Variants in FRMD4A observed in about 807,000 individuals in gnomAD.
FRMD4A encodes FERM domain-containing protein 4A.
In FRMD4A, 29 loss-of-function variants were observed where a neutral mutation model predicts 129.1. That is an observed-to-expected ratio of 0.22 (90% CI 0.17 to 0.31). The LOEUF is 0.31. FRMD4A is among the 10% of genes least tolerant of loss of function. The pLI is 1.00. For synonymous variants in FRMD4A, 634 were observed against 571.6 expected (o/e 1.11, Z -1.56); for missense variants, 1,272 against 1,375.8 (o/e 0.92, Z 1.19).
intron 14 of FRMD4A, among the ~76,000 whole-genome samples, chr10:13,694,833 C>A (rs1028413796): frequency 2.0e-5 from 2 of 98,752 alleles, no homozygotes; most frequent in Admixed American, 2.6e-4. Flanking sequence ...CAAAGTGAGA[C>A]CCTGTCTCTT....
At chr10:13,835,781 A>G (rs545702180) in intron 3 of FRMD4A, among the ~76,000 whole-genome samples, 16 of 152,314 alleles carry the variant, frequency 1.1e-4, no homozygotes, top group African/African-American at 3.9e-4. Flanking sequence ...CTACAATATA[A>G]TAATAGAAAT....
chr10:14,254,981 C>T (rs993797742), intron 2 of FRMD4A, among the ~76,000 whole-genome samples: 1 of 152,168 alleles, frequency 6.6e-6, no homozygotes, highest in Non-Finnish European at 1.5e-5. Context: ...GACTGCTCAA[C>T]TTCCTATTAA....
chr10:13,952,831 C>G (rs2095382249), intron 2 of FRMD4A, among the ~76,000 whole-genome samples: 1 of 151,974 alleles, frequency 6.6e-6, no homozygotes, highest in South Asian at 2.1e-4. Flanking sequence ...GTAGCTGGGA[C>G]CATGGTGCCC....
chr10:13,650,047 A>C (rs1393638546), intron 24 of FRMD4A, among the ~76,000 whole-genome samples: 1 of 152,202 alleles, frequency 6.6e-6, no homozygotes, highest in East Asian at 1.9e-4. Context: ...GCCCTTTCCC[A>C]GGGCTATGCT....
At chr10:14,209,553 C>T (rs1019381519) in intron 2 of FRMD4A, among the ~76,000 whole-genome samples, 21 of 151,930 alleles carry the variant, frequency 1.4e-4, no homozygotes, top group African/African-American at 5.1e-4. Flanking sequence ...AACCCCGTCT[C>T]TACTAAAAAT....
intron 2 of FRMD4A, chr10:14,003,566 T>A (rs928792942): frequency 6.6e-6 from 1 of 152,172 alleles, no homozygotes; most frequent in Non-Finnish European, 1.5e-5. Context: ...AAAACGGAGA[T>A]ACAGCAACTC....
At chr10:14,304,631 C>T (rs978546285) in intron 2 of FRMD4A, among the ~76,000 whole-genome samples, 1 of 152,200 alleles carries the variant, frequency 6.6e-6, no homozygotes, top group Non-Finnish European at 1.5e-5. Context: ...GGTGACTTCT[C>T]TGTTCATTGA....
At chr10:14,293,318 A>G (rs1405594754) in intron 2 of FRMD4A, among the ~76,000 whole-genome samples, 1 of 152,118 alleles carries the variant, frequency 6.6e-6, no homozygotes, top group Non-Finnish European at 1.5e-5. Flanking sequence ...AGGATGATGC[A>G]ACACAAAGGC....
At chr10:13,675,167 A>T in intron 15 of FRMD4A, 123 bp from the exon 16 acceptor site, 1 of 842,724 alleles carries the variant, frequency 1.2e-6, no homozygotes, top group Non-Finnish European at 1.9e-6. Context: ...AGGGAGTGTG[A>T]AATAAAACAG....
chr10:13,806,072 A>G (rs955750170), intron 4 of FRMD4A, among the ~76,000 whole-genome samples: 1 of 151,920 alleles, frequency 6.6e-6, no homozygotes, highest in Non-Finnish European at 1.5e-5. Context: ...TGCCAGGGTG[A>G]TCTCGAACTC....
chr10:14,193,246 A>G (rs1385103539), intron 2 of FRMD4A, among the ~76,000 whole-genome samples: 3 of 152,216 alleles, frequency 2.0e-5, no homozygotes, highest in Non-Finnish European at 4.4e-5. Context: ...CTCTTAATTA[A>G]TCAATCCATC....
At chr10:14,185,236 A>G (rs1001780988) in intron 2 of FRMD4A, among the ~76,000 whole-genome samples, 2 of 152,180 alleles carry the variant, frequency 1.3e-5, no homozygotes, top group African/African-American at 4.8e-5. Flanking sequence ...TTGCATGTCT[A>G]TTTCAAGAAG....
chr10:14,282,689 G>A (rs890494371), intron 2 of FRMD4A, among the ~76,000 whole-genome samples: 19 of 152,146 alleles, frequency 1.2e-4, no homozygotes, highest in African/African-American at 4.3e-4. Context: ...AATCAATGGA[G>A]CTTAGACTCC....
At chr10:14,050,599 G>A (rs763439596) in intron 2 of FRMD4A, among the ~76,000 whole-genome samples, 1 of 152,112 alleles carries the variant, frequency 6.6e-6, no homozygotes. Flanking sequence ...GGACCAAGAT[G>A]TAATTAGAGG....
chr10:13,685,311 C>T, intron 15 of FRMD4A: 1 of 985,284 alleles, frequency 1.0e-6, no homozygotes, highest in Non-Finnish European at 1.2e-6. Context: ...GGCTAGATTC[C>T]ATGGCTCACT....
intron 2 of FRMD4A, chr10:13,890,929 G>C: frequency 1.1e-6 from 1 of 902,726 alleles, no homozygotes; most frequent in African/African-American, 1.8e-5. Context: ...TGCTAACAGG[G>C]TACTGGAGAA....
At chr10:14,259,941 T>A (rs1212019701) in intron 2 of FRMD4A, among the ~76,000 whole-genome samples, 1 of 151,592 alleles carries the variant, frequency 6.6e-6, no homozygotes, top group Non-Finnish European at 1.5e-5. Context: ...GGATGTTAAG[T>A]CTTTGAGGAA....
chr10:14,232,605 G>C (rs556883346), intron 2 of FRMD4A, among the ~76,000 whole-genome samples: 93 of 152,294 alleles, frequency 6.1e-4, no homozygotes, highest in Admixed American at 9.2e-4. Context: ...TTCTTCAGCA[G>C]TGTTGTGTAA....
At chr10:14,048,166 A>C (rs1329255466) in intron 2 of FRMD4A, among the ~76,000 whole-genome samples, 1 of 152,204 alleles carries the variant, frequency 6.6e-6, no homozygotes, top group Non-Finnish European at 1.5e-5. Context: ...GTACCAAGAT[A>C]TCACTAGGAC....
Sources: allele counts gnomAD v4.1 joint callset (sites outside exome capture counted in the v4.1 genomes callset), GRCh38; gene constraint gnomAD v4.1.1; transcripts MANE v1.5; gene names NCBI Gene and HGNC (gene_info 2026-07-23, HGNC 2026-07-21).